The following FH variants were observed in gnomAD, a reference collection of about 807,000 sequenced individuals.
FH encodes the protein fumarate hydratase.
Under a neutral mutation model 49.4 loss-of-function variants are expected in FH, and 22 were observed. The ratio of observed to expected loss-of-function variants is 0.45; its 90% CI spans 0.32 to 0.64. The LOEUF is 0.64. Among genes scored for constraint, FH ranks in the 30% least tolerant of loss-of-function variants. The pLI is 0.05. For missense variants in FH, 526 were observed against 641.5 expected, an observed-to-expected ratio of 0.82 and a Z score of 1.95; for synonymous variants, 208 against 223.0, an observed-to-expected ratio of 0.93 and a Z score of 0.60.
At chr1:241,507,111 A>G (rs1029479784) in intron 5 of FH, among the ~76,000 whole-genome samples, 2 of 152,158 alleles carry the variant, frequency 1.3e-5, no homozygotes, top group South Asian at 2.1e-4. Flanking sequence ...TCAGCCAACG[A>G]AAGATCACAT....
chr1:241,502,122 T>C (rs1296574640), intron 8 of FH, among the ~76,000 whole-genome samples: 1 of 152,058 alleles, frequency 6.6e-6, no homozygotes, highest in Non-Finnish European at 1.5e-5. Flanking sequence ...ACAGCATAAA[T>C]GAAAGTGAGT....
intron 1 of FH, 150 bp downstream of exon 1, chr1:241,519,441 C>G (rs769494142): frequency 1.4e-5 from 14 of 983,090 alleles, no homozygotes; most frequent in Non-Finnish European, 1.8e-5. Flanking sequence ...GCCGGGAGGC[C>G]CGCCACGCCG....
rs1346006161 is a variant in FH at position 241,519,560 on chromosome 1, G to C, written c.132+31C>G. On this transcript the variant is annotated intron_variant, in intron 1 of 9. Transcript: ENST00000366560. Reference sequence around the variant, plus strand: ...GGCAGGAGGGCTGAAGGTCACTGCGGGGAGGCCGGGGGATGGCGGCCTGCG... The same window carrying C: ...GGCAGGAGGGCTGAAGGTCACTGCGCGGAGGCCGGGGGATGGCGGCCTGCG... The C allele has an allele frequency of 4.5e-6, 7 of 1,542,970 alleles. No homozygotes were observed. The South Asian group carries it at 4.8e-5, about 11-fold the overall frequency.
At chr1:241,500,118 T>A (rs941229637) in intron 9 of FH, among the ~76,000 whole-genome samples, 2 of 152,172 alleles carry the variant, frequency 1.3e-5, no homozygotes, top group Non-Finnish European at 2.9e-5. Flanking sequence ...CCACTGAAGG[T>A]CTTACAAATA....
In FH at chr1:241,500,519, C is replaced by T. The variant is rs201535626; in HGVS notation, c.1308G>A (p.Val436=). Residue 436 remains valine, a synonymous_variant, in exon 9 of 10, where the codon GTG becomes GTA. Transcript: ENST00000366560. ...ASVSFTENCV[V]GIQANTERIN... is the part of the protein sequence containing the mutation. ...TCCTTTCTGTATTGGCCTGGATTCC[C>T]ACCACGCAGTTTTCTGTAAAGGAAA... 1.1e-4 allele frequency: 171 copies of T among 1,613,642 alleles called. 1 individual carries two copies. The South Asian group carries it at 1.7e-3, about 16-fold the overall frequency.
chr1:241,518,759 A>C (rs748321608), intron 1 of FH, among the ~76,000 whole-genome samples: 2 of 152,240 alleles, frequency 1.3e-5, no homozygotes, highest in Non-Finnish European at 2.9e-5. Flanking sequence ...AACAATATAC[A>C]TATGTATTTA....
chr1:241,513,122 GT>G (rs1378936386), intron 3 of FH, among the ~76,000 whole-genome samples: 2 of 152,002 alleles, frequency 1.3e-5, no homozygotes, highest in African/African-American at 4.8e-5. Flanking sequence ...AGCTGTTATA[GT>G]TACGCATTGT....
chr1:241,517,877 A>C (rs1255841656), intron 1 of FH, among the ~76,000 whole-genome samples: 1 of 152,138 alleles, frequency 6.6e-6, no homozygotes, highest in Non-Finnish European at 1.5e-5. Context: ...TCTCATTCTC[A>C]ATGCACTTTT....
chr1:241,497,951 CTT>C lies in FH; in HGVS notation c.1408_1409del (p.Lys470AspfsTer3). 6.2e-7 allele frequency: 1 copy of C among 1,614,002 alleles called. No homozygotes were observed. Among genetic ancestry groups the C allele is most frequent in the Non-Finnish European group, 8.5e-7 (1 of 1,179,972 alleles). On this transcript the variant is annotated frameshift_variant, in exon 10 of 10. Coordinates refer to ENST00000366560, the MANE Select transcript of FH (RefSeq NM_000143.4). LOFTEE classifies it high-confidence loss of function. ...NPHIGYDKAA[K>X]IAKTAHKNGS... is the part of the protein sequence containing the mutation. ...CATTTTTGTGTGCTGTCTTAGCAAT[CTT>C]TGCTGCCTTGTCATACCCTGAAGAA... is the stretch of plus-strand genomic sequence containing the variant.
At position 241,519,723 on chromosome 1, in the gene FH, G is replaced by T. The variant is rs954901711; in HGVS notation, c.-1C>A. On this transcript the variant is annotated 5_prime_UTR_variant, in exon 1 of 10. Transcript: ENST00000366560. ...CGAGGAGCCGAAGTGCTCGGTACAT[G>T]GTGCTGAGGGAGCTTGGGTAGAATT... is the stretch of plus-strand genomic sequence containing the variant. 5 of 1,533,898 alleles carry T rather than the reference G, an allele frequency of 3.3e-6. No homozygotes were observed. In the African/African-American group the frequency reaches 6.9e-5, roughly 21 times the overall value.
intron 2 of FH, among the ~76,000 whole-genome samples, chr1:241,515,406 C>T (rs370162357): frequency 6.6e-6 from 1 of 152,228 alleles, no homozygotes; most frequent in African/African-American, 2.4e-5. Flanking sequence ...GGCTGACCTC[C>T]TCCTTAGTCT....
In FH at chr1:241,497,634, T is replaced by C. The variant is rs1659653192; in HGVS notation, c.*194A>G. 6.1e-6 allele frequency: 3 copies of C among 491,634 alleles called. No individual in the cohort carries two copies. Among genetic ancestry groups the C allele is most frequent in the Non-Finnish European group, 1.1e-5 (3 of 280,100 alleles). The allele number at this position is 491,634 out of a possible 1,614,324, so 30.5% of individuals were successfully genotyped here. A position where few individuals can be genotyped will look rare whatever the true frequency, so the allele number is the denominator to read the frequency against. On this transcript the variant is annotated 3_prime_UTR_variant, in exon 10 of 10. Transcript: ENST00000366560. ...TCTGTTTTCCTTTTTATTTTATAAA[T>C]GTATTTTATTTTATACTTGTTTAAT...
In FH at chr1:241,497,889, T is replaced by C. The variant is rs773801940; in HGVS notation, c.1472A>G (p.Tyr491Cys). The C allele has an allele frequency of 1.2e-6, 2 of 1,613,376 alleles. No homozygotes were observed. The highest frequency in any genetic ancestry group is 1.7e-5 in the Admixed American group (1 of 59,966). Residue 491 changes from tyrosine (Y) to cysteine (C), a missense_variant, in exon 10 of 10, where the codon TAT becomes TGT. Coordinates refer to ENST00000366560, the MANE Select transcript of FH (RefSeq NM_000143.4). ...TTCGTCAAACTGCTCTGCTGTGAGATAGCCAAGTTCGATAGCAGTTTCCTT... is the reference window on the plus strand; with the variant it reads ...TTCGTCAAACTGCTCTGCTGTGAGACAGCCAAGTTCGATAGCAGTTTCCTT... ...TLKETAIELG[Y>C]LTAEQFDEWV...
chr1:241,500,528 G>A lies in FH; in HGVS notation c.1299C>T (p.Asn433=), dbSNP rs201994824. Residue 433 remains asparagine (N), a synonymous_variant, in exon 9 of 10, where the codon AAC becomes AAT. Coordinates refer to ENST00000366560, the MANE Select transcript of FH (RefSeq NM_000143.4). ...LGDASVSFTE[N]CVVGIQANTE... ...TATTGGCCTGGATTCCCACCACGCA[G>A]TTTTCTGTAAAGGAAACTGAAGCAT... is the stretch of plus-strand genomic sequence containing the variant. 331 of 1,612,296 alleles carry A rather than the reference G, an allele frequency of 2.1e-4. No individual in the cohort carries two copies. The highest frequency in any genetic ancestry group is 8.1e-5 in the Non-Finnish European group (96 of 1,179,548).
At chr1:241,501,413 T>C (rs1424260023) in intron 8 of FH, among the ~76,000 whole-genome samples, 1 of 152,208 alleles carries the variant, frequency 6.6e-6, no homozygotes, top group African/African-American at 2.4e-5. Context: ...TATGCACCTA[T>C]AAATGCTGGG....
At chr1:241,498,694 C>CATACAT (rs1659686033) in intron 9 of FH, among the ~76,000 whole-genome samples, 1 of 53,166 alleles carries the variant, frequency 1.9e-5, no homozygotes, top group Non-Finnish European at 3.6e-5. Flanking sequence ...GCTGTCTTAA[C>CATACAT]ATATATATAT....
chr1:241,519,463 A>T, intron 1 of FH, 128 bp downstream of exon 1: 2 of 1,167,732 alleles, frequency 1.7e-6, no homozygotes, highest in Non-Finnish European at 2.3e-6. Context: ...CACGGGCGCT[A>T]AGCCCAGAGT....
chr1:241,510,996 CAA>C (rs1157495730), intron 4 of FH, among the ~76,000 whole-genome samples: 1 of 152,076 alleles, frequency 6.6e-6, no homozygotes, highest in South Asian at 2.1e-4. Flanking sequence ...CTCAAAAATT[CAA>C]AAGTCTCAAT....
chr1:241,517,529 A>C (rs944642649), intron 1 of FH, among the ~76,000 whole-genome samples: 2 of 152,198 alleles, frequency 1.3e-5, no homozygotes, highest in Admixed American at 1.3e-4. Flanking sequence ...TTAAAGACAG[A>C]CTGTAGAACT....
Sources: gnomAD v4.1 joint callset for allele counts (sites outside exome capture counted in the v4.1 genomes callset) on GRCh38, gnomAD v4.1.1 for gene constraint, MANE v1.5 for transcripts, NCBI Gene and HGNC (gene_info 2026-07-23, HGNC 2026-07-21) for gene names.